Variants in GAREM1 observed in about 807,000 individuals in gnomAD.
GAREM1 encodes GRB2-associated and regulator of MAPK protein 1.
GAREM1 carries 26 observed loss-of-function variants against 71.3 expected under a neutral mutation model. That is an observed-to-expected ratio of 0.36 (90% CI 0.27 to 0.51). The LOEUF (loss-of-function observed/expected upper bound fraction) is 0.51, where lower values mean the gene tolerates loss of function less well. GAREM1 is among the 20% of genes least tolerant of loss of function. GAREM1 has a pLI of 0.95. For synonymous variants in GAREM1, 440 were observed against 433.2 expected, an observed-to-expected ratio of 1.02 and a Z score of -0.20; for missense variants, 1,026 against 1,103.1, an observed-to-expected ratio of 0.93 and a Z score of 0.99.
intron 1 of GAREM1, among the ~76,000 whole-genome samples, chr18:32,448,800 G>A (rs2048807177): frequency 6.6e-6 from 1 of 152,166 alleles, no homozygotes; most frequent in Non-Finnish European, 1.5e-5. Flanking sequence ...TCTTGTTGGG[G>A]AGACTGGGGT....
intron 4 of GAREM1, among the ~76,000 whole-genome samples, chr18:32,285,376 C>T (rs1056550666): frequency 9.2e-5 from 14 of 152,174 alleles, no homozygotes; most frequent in Non-Finnish European, 1.6e-4. Flanking sequence ...CTGCCTGACA[C>T]CCAGGGCTGT....
intron 1 of GAREM1, among the ~76,000 whole-genome samples, chr18:32,418,985 C>T (rs2048494046): frequency 6.6e-6 from 1 of 152,236 alleles, no homozygotes; most frequent in Admixed American, 6.5e-5. Context: ...ATCAAGGCGT[C>T]AGCTGGCTGC....
At chr18:32,338,124 G>T (rs537631256) in intron 2 of GAREM1, among the ~76,000 whole-genome samples, 21 of 152,310 alleles carry the variant, frequency 1.4e-4, no homozygotes, top group African/African-American at 4.6e-4. Context: ...ACGGAGGAAG[G>T]AATGGACTGC....
At chr18:32,429,661 C>G (rs2048605067) in intron 1 of GAREM1, among the ~76,000 whole-genome samples, 1 of 152,198 alleles carries the variant, frequency 6.6e-6, no homozygotes, top group Non-Finnish European at 1.5e-5. Flanking sequence ...CTTCAGCTTG[C>G]CGGCTATGTT....
intron 1 of GAREM1, among the ~76,000 whole-genome samples, chr18:32,459,909 C>A (rs1014467650): frequency 2.0e-5 from 3 of 152,118 alleles, no homozygotes; most frequent in African/African-American, 7.2e-5. Context: ...ATTTCATTAA[C>A]CTTTTCTTTA....
At chr18:32,321,636 G>A (rs536586862) in intron 2 of GAREM1, among the ~76,000 whole-genome samples, 1 of 152,174 alleles carries the variant, frequency 6.6e-6, no homozygotes, top group East Asian at 1.9e-4. Context: ...TGAATCAAGC[G>A]ACCATAAAAG....
chr18:32,288,327 AT>A, intron 3 of GAREM1, 124 bp from the exon 4 acceptor site: 1 of 667,158 alleles, frequency 1.5e-6, no homozygotes, highest in Non-Finnish European at 2.5e-6. Flanking sequence ...TTAATACTAA[AT>A]TTAGACACCT....
chr18:32,267,908 A>C lies in GAREM1; in HGVS notation c.2594T>G (p.Ile865Arg), dbSNP rs948248029. Residue 865 changes from isoleucine to arginine, a missense_variant, in exon 6 of 6, where the codon ATA becomes AGA. Around this residue, in one of 3 missense-constraint regions of GAREM1, gnomAD observed 636 missense variants for 631.2 expected, o/e 1.01. Coordinates refer to ENST00000269209, the MANE Select transcript of GAREM1 (RefSeq NM_001242409.2). ...FKLSKLQVKKIMQFINGWRPK... is the reference protein window; with the variant it reads ...FKLSKLQVKKRMQFINGWRPK... ...CCTCCAGCCATTAATGAATTGCATT[A>C]TCTTCTTCACCTGCAATTTGCTCAA... 2 of 1,613,758 alleles carry C rather than the reference A, an allele frequency of 1.2e-6. No individual in the cohort carries two copies. Among genetic ancestry groups the C allele is most frequent in the Non-Finnish European group, 1.7e-6 (2 of 1,179,756 alleles).
At chr18:32,284,741 G>A (rs1052876285) in intron 4 of GAREM1, among the ~76,000 whole-genome samples, 5 of 150,702 alleles carry the variant, frequency 3.3e-5, no homozygotes, top group African/African-American at 1.2e-4. Context: ...GTTTGGAGGG[G>A]TGCCCCCTTA....
chr18:32,372,553 A>G (rs1237564692), intron 2 of GAREM1, among the ~76,000 whole-genome samples: 1 of 152,230 alleles, frequency 6.6e-6, no homozygotes. Flanking sequence ...GCAAGGGGGT[A>G]CTGACAATAT....
At chr18:32,455,985 T>C (rs1465285404) in intron 1 of GAREM1, among the ~76,000 whole-genome samples, 1 of 152,208 alleles carries the variant, frequency 6.6e-6, no homozygotes, top group Middle Eastern at 3.4e-3. Flanking sequence ...AAAAAAATCT[T>C]ATATCATATG....
At chr18:32,284,899 G>A (rs2046996516) in intron 4 of GAREM1, among the ~76,000 whole-genome samples, 1 of 151,798 alleles carries the variant, frequency 6.6e-6, no homozygotes, top group Non-Finnish European at 1.5e-5. Context: ...ACAGGCGCCC[G>A]CCACCACGCC....
At chr18:32,401,403 C>T (rs762105810) in intron 1 of GAREM1, among the ~76,000 whole-genome samples, 14 of 151,392 alleles carry the variant, frequency 9.2e-5, no homozygotes, top group Admixed American at 2.6e-4. Context: ...TTAATAACTG[C>T]TAAGTTTTTT....
intron 3 of GAREM1, among the ~76,000 whole-genome samples, chr18:32,300,018 T>C (rs1320757449): frequency 6.6e-6 from 1 of 152,218 alleles, no homozygotes; most frequent in East Asian, 1.9e-4. Flanking sequence ...TAATCAATTA[T>C]AAAACAGGAG....
At chr18:32,276,576 G>A (rs749638442) in intron 4 of GAREM1, among the ~76,000 whole-genome samples, 1 of 152,192 alleles carries the variant, frequency 6.6e-6, no homozygotes, top group South Asian at 2.1e-4. Context: ...CAAATTCATA[G>A]GTAATTTTAC....
intron 2 of GAREM1, among the ~76,000 whole-genome samples, chr18:32,312,178 T>C (rs1234019164): frequency 2.0e-5 from 3 of 152,228 alleles, no homozygotes; most frequent in Non-Finnish European, 4.4e-5. Context: ...GAGAGAAGTC[T>C]GGCTGGAAAG....
At chr18:32,332,641 C>G (rs1207926957) in intron 2 of GAREM1, among the ~76,000 whole-genome samples, 1 of 152,176 alleles carries the variant, frequency 6.6e-6, no homozygotes, top group African/African-American at 2.4e-5. Context: ...GAGTCCCACT[C>G]TCCTTCAGCC....
At chr18:32,382,340 G>A (rs1049474678) in intron 2 of GAREM1, among the ~76,000 whole-genome samples, 1 of 152,080 alleles carries the variant, frequency 6.6e-6, no homozygotes, top group African/African-American at 2.4e-5. Flanking sequence ...AAATGAGGCC[G>A]GATTTCACTA....
chr18:32,425,733 TG>T (rs982336768), intron 1 of GAREM1, among the ~76,000 whole-genome samples: 2 of 152,234 alleles, frequency 1.3e-5, no homozygotes, highest in African/African-American at 4.8e-5. Flanking sequence ...ATGACTCATA[TG>T]GATTTCTCTT....
Sources: gnomAD v4.1 joint callset for allele counts (sites outside exome capture counted in the v4.1 genomes callset) on GRCh38, gnomAD v4.1.1 for gene constraint, gnomAD v4.1.1 regional missense constraint, MANE v1.5 for transcripts, NCBI Gene and HGNC (gene_info 2026-07-23, HGNC 2026-07-21) for gene names.